PTPRN2: variants seen among roughly 807,000 people sequenced by gnomAD.
The protein encoded by PTPRN2 is receptor-type tyrosine-protein phosphatase N2.
PTPRN2 carries 74 observed loss-of-function variants against 118.8 expected under a neutral mutation model. That is an observed-to-expected ratio of 0.62 (90% CI 0.52 to 0.76). The LOEUF is 0.76. Among genes scored for constraint, PTPRN2 ranks in the 30% least tolerant of loss-of-function variants. PTPRN2 has a pLI of 0.00. For synonymous variants in PTPRN2, 641 were observed against 608.0 expected (o/e 1.05, Z -0.80); for missense variants, 1,481 against 1,394.4 (o/e 1.06, Z -0.99).
intron 22 of PTPRN2, among the ~76,000 whole-genome samples, chr7:157,541,440 C>T (rs1798010283): frequency 6.6e-6 from 1 of 152,274 alleles, no homozygotes; most frequent in African/African-American, 2.4e-5. Flanking sequence ...CTGCCGAGAG[C>T]ATCCAGTGGG....
In PTPRN2 at chr7:157,603,774, G is replaced by A. The variant is rs1167688384; in HGVS notation, c.2418+228C>T. Among the ~76,000 whole-genome samples, 2 of 152,118 alleles carry A rather than the reference G, an allele frequency of 1.3e-5. No individual in the cohort carries two copies. Among genetic ancestry groups the A allele is most frequent in the East Asian group, 1.9e-4 (1 of 5,180 alleles). On this transcript the variant is annotated intron_variant, in intron 16 of 22. Transcript: ENST00000389418. The surrounding 1 kb of genome is among the most constrained non-coding windows in gnomAD (Gnocchi z 5.4). ...CATTGCTGGATGTTCTACAAGTCAC[G>A]GAACCCACCGCCCAGCGTGAGCCGG...
At chr7:157,859,979 G>C (rs751065120) in intron 12 of PTPRN2, among the ~76,000 whole-genome samples, 1 of 109,582 alleles carries the variant, frequency 9.1e-6, no homozygotes, top group Non-Finnish European at 1.9e-5. Flanking sequence ...TGCAGGGAGA[G>C]CCCCGGCCAC....
At chr7:158,055,229 C>T (rs995273258) in intron 11 of PTPRN2, among the ~76,000 whole-genome samples, 1 of 152,118 alleles carries the variant, frequency 6.6e-6, no homozygotes, top group African/African-American at 2.4e-5. Flanking sequence ...GCTGAGGGGA[C>T]ACAGTGAGAA....
chr7:158,166,193 T>A (rs1261690971), intron 6 of PTPRN2, among the ~76,000 whole-genome samples: 1 of 152,064 alleles, frequency 6.6e-6, no homozygotes, highest in African/African-American at 2.4e-5. Flanking sequence ...GGGGAAGGGA[T>A]GAACAAGAAG....
intron 3 of PTPRN2, among the ~76,000 whole-genome samples, chr7:158,311,339 A>G (rs1011275439): frequency 5.9e-5 from 9 of 152,242 alleles, no homozygotes; most frequent in Admixed American, 2.0e-4. Flanking sequence ...ATGCAGCTCA[A>G]TAAGTCAGAA....
intron 5 of PTPRN2, among the ~76,000 whole-genome samples, chr7:158,187,135 CAATT>C (rs1387273420): frequency 1.3e-5 from 2 of 152,136 alleles, no homozygotes; most frequent in Non-Finnish European, 2.9e-5. Context: ...AATAAGTGCT[CAATT>C]AGTGTTTAAA....
rs1491431076 is a variant in PTPRN2, at chr7:158,262,532, CAT to C, written c.277+54285_277+54286del. Among the ~76,000 whole-genome samples, 31 of 146,742 alleles carry C rather than the reference CAT, an allele frequency of 2.1e-4. 1 individual carries two copies. Among genetic ancestry groups the C allele is most frequent in the Middle Eastern group, 3.6e-3 (1 of 278 alleles). On this transcript the variant is annotated intron_variant, in intron 3 of 22. Coordinates refer to ENST00000389418, the MANE Select transcript of PTPRN2 (RefSeq NM_002847.5). ...TGCACACACATTCACACACTGCACACATACACACATTCACACACTGCACACAC... is the reference window on the plus strand; with the variant it reads ...TGCACACACATTCACACACTGCACACACACACATTCACACACTGCACACAC...
At chr7:157,773,959 C>T (rs1008468898) in intron 12 of PTPRN2, among the ~76,000 whole-genome samples, 1 of 152,168 alleles carries the variant, frequency 6.6e-6, no homozygotes, top group Non-Finnish European at 1.5e-5. Flanking sequence ...CACTTCATTC[C>T]AGAAAGATGC....
At chr7:157,612,881 G>T (rs1040273089) in intron 15 of PTPRN2, among the ~76,000 whole-genome samples, 3 of 152,206 alleles carry the variant, frequency 2.0e-5, no homozygotes, top group Admixed American at 2.0e-4. Context: ...CAGCTCCGGC[G>T]GCACACCCCG....
At chr7:157,708,155 C>G (rs747744003) in intron 12 of PTPRN2, among the ~76,000 whole-genome samples, 1 of 152,208 alleles carries the variant, frequency 6.6e-6, no homozygotes, top group East Asian at 1.9e-4. Flanking sequence ...TGCTTTGCCT[C>G]GGATGGGCAC....
At chr7:158,435,000 G>A (rs1008247947) in intron 2 of PTPRN2, among the ~76,000 whole-genome samples, 2 of 152,030 alleles carry the variant, frequency 1.3e-5, no homozygotes, top group African/African-American at 2.4e-5. Flanking sequence ...CCTGTAAACC[G>A]CCTAGAAGGA....
At chr7:158,275,318 C>T (rs576923346) in intron 3 of PTPRN2, among the ~76,000 whole-genome samples, 9 of 152,252 alleles carry the variant, frequency 5.9e-5, no homozygotes, top group South Asian at 2.1e-4. Flanking sequence ...CATGGGAAGG[C>T]GCGCACCTCC....
At chr7:158,480,433 A>C (rs1820573599) in intron 2 of PTPRN2, among the ~76,000 whole-genome samples, 1 of 152,158 alleles carries the variant, frequency 6.6e-6, no homozygotes, top group African/African-American at 2.4e-5. Context: ...CTATTCCCTG[A>C]GACACAACAA....
At chr7:158,527,489 G>A (rs909499796) in intron 1 of PTPRN2, among the ~76,000 whole-genome samples, 2 of 152,242 alleles carry the variant, frequency 1.3e-5, no homozygotes, top group Non-Finnish European at 2.9e-5. Context: ...GGCCTCACCA[G>A]CCCCAGGCCA....
chr7:158,112,318 G>A (rs1175675982), intron 9 of PTPRN2, among the ~76,000 whole-genome samples: 5 of 152,330 alleles, frequency 3.3e-5, no homozygotes, highest in South Asian at 2.1e-4. Flanking sequence ...GTGGGGCCCC[G>A]TTTGAACAGA....
chr7:157,804,446 C>T (rs1048639731), intron 12 of PTPRN2, among the ~76,000 whole-genome samples: 6 of 152,156 alleles, frequency 3.9e-5, no homozygotes, highest in Admixed American at 6.5e-5. Flanking sequence ...TGTCTGTGCA[C>T]GGAGCTTCCA....
At chr7:158,372,901 T>C (rs1270798353) in intron 2 of PTPRN2, among the ~76,000 whole-genome samples, 1 of 152,170 alleles carries the variant, frequency 6.6e-6, no homozygotes, top group Non-Finnish European at 1.5e-5. Context: ...AGCAGCCACA[T>C]AGGGCTGCTA....
chr7:158,307,797 G>C (rs1801406038), intron 3 of PTPRN2, among the ~76,000 whole-genome samples: 1 of 152,130 alleles, frequency 6.6e-6, no homozygotes, highest in East Asian at 1.9e-4. Context: ...AGGAAACTGG[G>C]TCATGAGGGC....
intron 11 of PTPRN2, among the ~76,000 whole-genome samples, chr7:158,046,711 G>A (rs1207395997): frequency 6.6e-6 from 1 of 152,152 alleles, no homozygotes; most frequent in African/African-American, 2.4e-5. Context: ...AGAACACAGG[G>A]AAAAGCCATC....
Sources: gnomAD v4.1 joint callset for allele counts (sites outside exome capture counted in the v4.1 genomes callset) on GRCh38, gnomAD v4.1.1 for gene constraint, Gnocchi (gnomAD v3.1) non-coding constraint, MANE v1.5 for transcripts, NCBI Gene and HGNC (gene_info 2026-07-23, HGNC 2026-07-21) for gene names.